HLTF: variants seen among roughly 807,000 people sequenced by gnomAD.
HLTF encodes DNA-dependent ATPase/E3 ubiquitin-protein ligase HLTF.
A neutral mutation model predicts 129.4 loss-of-function variants in HLTF; 127 were observed. That is an observed-to-expected ratio of 0.98 (90% CI 0.85 to 1.14). HLTF has a LOEUF of 1.14. HLTF is among the 50% of genes most tolerant of loss of function. The pLI is 0.00. For synonymous variants in HLTF, 332 were observed against 388.8 expected (o/e 0.85, Z 1.72); for missense variants, 1,139 against 1,187.1 (o/e 0.96, Z 0.60).
intron 13 of HLTF, among the ~76,000 whole-genome samples, chr3:149,057,475 C>T (rs1469122162): frequency 6.6e-6 from 1 of 152,162 alleles, no homozygotes; most frequent in Non-Finnish European, 1.5e-5. Context: ...GATTGCAAAA[C>T]TCATGTATAT....
At chr3:149,061,943 C>A (rs1717991650) in intron 10 of HLTF, among the ~76,000 whole-genome samples, 1 of 151,860 alleles carries the variant, frequency 6.6e-6, no homozygotes, top group African/African-American at 2.4e-5. Flanking sequence ...GTAATTCTTT[C>A]ACAATAGGAA....
At chr3:149,047,721 T>C (rs1397351378) in intron 17 of HLTF, among the ~76,000 whole-genome samples, 1 of 152,178 alleles carries the variant, frequency 6.6e-6, no homozygotes, top group Non-Finnish European at 1.5e-5. Context: ...TCAAAGGATA[T>C]ACGATGTTTC....
chr3:149,040,737 GT>G (rs1394711975), intron 20 of HLTF, among the ~76,000 whole-genome samples: 1 of 152,072 alleles, frequency 6.6e-6, no homozygotes, highest in Non-Finnish European at 1.5e-5. Context: ...AGTCAATACA[GT>G]GGGGTTACTT....
chr3:149,060,734 T>C, intron 11 of HLTF, 45 bp downstream of exon 11: 2 of 1,604,018 alleles, frequency 1.2e-6, no homozygotes. Context: ...AAACAGGACA[T>C]TAGAATATAG....
In HLTF at chr3:149,042,250, C is replaced by A. The variant is rs1490905268; in HGVS notation, c.2113G>T (p.Val705Phe). Residue 705 changes from valine to phenylalanine, a missense_variant, in exon 19 of 25, where the codon GTC (valine) becomes TTC (phenylalanine). Coordinates refer to ENST00000310053, the MANE Select transcript of HLTF (RefSeq NM_003071.4). ...EGTVLAHYAD[V>F]LGLLLRLRQI... Reference sequence around the variant, plus strand: ...CGCAGTCTAAGCAAAAGACCCAGGACATCTGCATAATGTGCCAGGACAGTC... The same window carrying A: ...CGCAGTCTAAGCAAAAGACCCAGGAAATCTGCATAATGTGCCAGGACAGTC... The A allele has an allele frequency of 5.0e-6, 8 of 1,612,744 alleles. No homozygotes were observed. Among genetic ancestry groups the A allele is most frequent in the Non-Finnish European group, 6.8e-6 (8 of 1,178,978 alleles).
intron 13 of HLTF, among the ~76,000 whole-genome samples, chr3:149,057,930 G>A (rs568910450): frequency 6.6e-6 from 1 of 152,128 alleles, no homozygotes; most frequent in African/African-American, 2.4e-5. Context: ...CAGAGTTACA[G>A]ATGGTCTATA....
chr3:149,061,996 C>T (rs2108020610), intron 10 of HLTF, among the ~76,000 whole-genome samples: 1 of 152,202 alleles, frequency 6.6e-6, no homozygotes, highest in South Asian at 2.1e-4. Context: ...TGATTAAGTG[C>T]CTAAGAGCAA....
Position 149,045,872 on chromosome 3 carries a change from T to C in HLTF, c.2072+208A>G, listed in dbSNP as rs1054685916. On this transcript the variant is annotated intron_variant, in intron 18 of 24. Transcript: ENST00000310053. ...GTCATTTAAAGTAAGCTTTAAATTA[T>C]TTCCTAACTTAAAAAATTACTTACC... Among the ~76,000 whole-genome samples, 6 of 152,348 alleles carry C rather than the reference T, an allele frequency of 3.9e-5. 1 individual carries two copies. The highest frequency in any genetic ancestry group is 4.1e-4 in the South Asian group (2 of 4,834).
chr3:149,036,518 A>G (rs1715647477), intron 23 of HLTF, among the ~76,000 whole-genome samples: 1 of 151,918 alleles, frequency 6.6e-6, no homozygotes, highest in African/African-American at 2.4e-5. Flanking sequence ...CAATCTCTTG[A>G]CCTCATGATC....
At position 149,030,621 on chromosome 3, in the gene HLTF, GA is replaced by G. The variant is rs1559848161; in HGVS notation, c.*1598del. ...GGAGAACCCATACTCTGATCAACTTGATTTTTTGTGTGTAATGCTTGATCTA... is the reference window on the plus strand; with the variant it reads ...GGAGAACCCATACTCTGATCAACTTGTTTTTTGTGTGTAATGCTTGATCTA... On this transcript the variant is annotated 3_prime_UTR_variant, in exon 25 of 25. Coordinates refer to ENST00000310053, the MANE Select transcript of HLTF (RefSeq NM_003071.4). 1 of 152,156 alleles carries G rather than the reference GA, an allele frequency of 6.6e-6. No homozygotes were observed. Among genetic ancestry groups the G allele is most frequent in the South Asian group, 2.1e-4 (1 of 4,822 alleles). The allele number at this position is 152,156 out of a possible 1,614,324, so 9.4% of individuals were successfully genotyped here.
intron 3 of HLTF, 29 bp downstream of exon 3, chr3:149,075,852 A>C (rs763482062): frequency 1.3e-6 from 2 of 1,527,826 alleles, no homozygotes; most frequent in South Asian, 2.5e-5. Flanking sequence ...ATTCACAATT[A>C]TTAAAACTAA....
intron 2 of HLTF, among the ~76,000 whole-genome samples, chr3:149,077,204 T>C (rs772813): frequency 0.75 from 112,976 of 151,638 alleles, 42,540 homozygotes; most frequent in African/African-American, 0.84. Context: ...GCCAAGATAG[T>C]GCCCCTGCAC....
At chr3:149,077,008 G>A (rs540382483) in intron 2 of HLTF, among the ~76,000 whole-genome samples, 1 of 152,188 alleles carries the variant, frequency 6.6e-6, no homozygotes, top group African/African-American at 2.4e-5. Flanking sequence ...CAGCACTTTG[G>A]GAGGCCGAGG....
intron 2 of HLTF, among the ~76,000 whole-genome samples, chr3:149,080,224 G>A (rs770383881): frequency 1.3e-5 from 2 of 152,118 alleles, no homozygotes; most frequent in African/African-American, 2.4e-5. Flanking sequence ...AAATGGGAAT[G>A]AGGTTTCTTT....
chr3:149,068,343 A>G lies in HLTF; in HGVS notation c.895-8T>C, dbSNP rs765779320. Reference sequence around the variant, plus strand: ...GGCCGTAAGAGTTTTACCCTTAAAAATGTTTTAAAAAGATAAATGGTCAGA... The same window carrying G: ...GGCCGTAAGAGTTTTACCCTTAAAAGTGTTTTAAAAAGATAAATGGTCAGA... On this transcript the variant is annotated splice_region_variant and splice_polypyrimidine_tract_variant and intron_variant, in intron 7 of 24. Coordinates refer to ENST00000310053, the MANE Select transcript of HLTF (RefSeq NM_003071.4). The G allele has an allele frequency of 1.5e-6, 2 of 1,348,202 alleles. No individual in the cohort carries two copies. Among genetic ancestry groups the G allele is most frequent in the Admixed American group, 4.1e-5 (2 of 48,704 alleles). 83.5% of individuals were successfully genotyped at this position (1,348,202 alleles called of 1,614,324 possible).
At chr3:149,039,983 A>C in intron 21 of HLTF, 48 bp downstream of exon 21, 1 of 1,516,506 alleles carries the variant, frequency 6.6e-7, no homozygotes, top group Non-Finnish European at 9.0e-7. Context: ...ATATTTCCTT[A>C]TATAAAGGTA....
Position 149,031,085 on chromosome 3 carries a change from CTTCT to C in HLTF, c.*1131_*1134del, listed in dbSNP as rs538053074. The C allele has an allele frequency of 4.7e-3, 721 of 152,112 alleles. 5 individuals carry two copies. The highest frequency in any genetic ancestry group is 0.016 in the African/African-American group (677 of 41,522). The allele number at this position is 152,112 out of a possible 1,614,324, so 9.4% of individuals were successfully genotyped here. On this transcript the variant is annotated 3_prime_UTR_variant, in exon 25 of 25. Coordinates refer to ENST00000310053, the MANE Select transcript of HLTF (RefSeq NM_003071.4). ...CCTAATCTGACTGCTAAATTTCTAG[CTTCT>C]TTGTTTTAAATATGCTCAGGAGTCA...
intron 23 of HLTF, among the ~76,000 whole-genome samples, chr3:149,037,831 T>C (rs1228704072): frequency 6.6e-6 from 1 of 152,166 alleles, no homozygotes; most frequent in African/African-American, 2.4e-5. Flanking sequence ...GAAACTGAAT[T>C]AGTCCAAGGT....
In HLTF at chr3:149,031,103, G is replaced by A. The variant is rs1046084876; in HGVS notation, c.*1117C>T. On this transcript the variant is annotated 3_prime_UTR_variant, in exon 25 of 25. Coordinates refer to ENST00000310053, the MANE Select transcript of HLTF (RefSeq NM_003071.4). ...TTTCTAGCTTCTTTGTTTTAAATAT[G>A]CTCAGGAGTCAACCCAAATTCTGCA... The A allele has an allele frequency of 3.4e-4, 52 of 151,802 alleles. No homozygotes were observed. Among genetic ancestry groups the A allele is most frequent in the African/African-American group, 1.2e-3 (51 of 41,288 alleles). 9.4% of individuals were successfully genotyped at this position (151,802 alleles called of 1,614,324 possible).
Sources: allele counts gnomAD v4.1 joint callset (sites outside exome capture counted in the v4.1 genomes callset), GRCh38; gene constraint gnomAD v4.1.1; transcripts MANE v1.5; gene names NCBI Gene and HGNC (gene_info 2026-07-23, HGNC 2026-07-21).